MEF2C: variants seen among roughly 807,000 people sequenced by gnomAD.
The protein encoded by MEF2C is myocyte-specific enhancer factor 2C.
In MEF2C, 6 loss-of-function variants were observed where a neutral mutation model predicts 50.5. The observed-to-expected ratio is 0.12, with a 90% CI of 0.07 to 0.23. The LOEUF is 0.23. Ranked by LOEUF, MEF2C falls within the 10% of genes least tolerant of loss-of-function variation. MEF2C has a pLI of 1.00. For missense variants in MEF2C, 276 were observed against 605.0 expected, an observed-to-expected ratio of 0.46 and a Z score of 5.70; for synonymous variants, 183 against 228.0, an observed-to-expected ratio of 0.80 and a Z score of 1.78.
intron 10 of MEF2C, among the ~76,000 whole-genome samples, chr5:88,725,619 G>A (rs1758348597): frequency 6.6e-6 from 1 of 152,034 alleles, no homozygotes; most frequent in Admixed American, 6.6e-5. Flanking sequence ...CCCATATCAA[G>A]TCCTCTATGC....
intron 4 of MEF2C, among the ~76,000 whole-genome samples, chr5:88,754,600 G>T (rs575865518): frequency 6.6e-6 from 1 of 152,218 alleles, no homozygotes; most frequent in East Asian, 1.9e-4. Context: ...CTATCTTTGG[G>T]TATCAAAATG....
chr5:88,798,795 T>C (rs533860120), intron 3 of MEF2C, among the ~76,000 whole-genome samples: 3 of 152,334 alleles, frequency 2.0e-5, no homozygotes, highest in African/African-American at 7.2e-5. Flanking sequence ...CCTTTGGTCT[T>C]TGATGCTGGT....
intron 6 of MEF2C, chr5:88,737,567 C>G: frequency 5.1e-6 from 5 of 985,374 alleles, no homozygotes; most frequent in Non-Finnish European, 6.0e-6. Flanking sequence ...TCATACAGAA[C>G]TTTTCACCAA....
At chr5:88,808,581 T>G (rs1392357908) in intron 2 of MEF2C, among the ~76,000 whole-genome samples, 1 of 152,172 alleles carries the variant, frequency 6.6e-6, no homozygotes, top group South Asian at 2.1e-4. Context: ...AACTGCAAAC[T>G]GAAATGATGA....
chr5:88,768,346 G>A lies in MEF2C; in HGVS notation c.259-7018C>T, dbSNP rs180921264. On this transcript the variant is annotated intron_variant, in intron 3 of 10. Coordinates refer to ENST00000504921, the MANE Select transcript of MEF2C (RefSeq NM_002397.5). Reference sequence around the variant, plus strand: ...TTTCCACTTCAATGTTAATGTATGTGGAGGTTTCTTGACTTGACCAAGGCT... The same window carrying A: ...TTTCCACTTCAATGTTAATGTATGTAGAGGTTTCTTGACTTGACCAAGGCT... Among the ~76,000 whole-genome samples the A allele has an allele frequency of 1.7e-4, 26 of 152,300 alleles. No homozygotes were observed. In the East Asian group the frequency reaches 4.4e-3, roughly 26 times the overall value.
intron 3 of MEF2C, chr5:88,769,968 C>T: frequency 2.0e-6 from 2 of 985,126 alleles, no homozygotes; most frequent in Middle Eastern, 5.2e-4. Context: ...CTTTATAATG[C>T]AAGTTAAGAA....
chr5:88,733,129 C>T (rs1204100506), intron 6 of MEF2C: 7 of 984,964 alleles, frequency 7.1e-6, no homozygotes, highest in South Asian at 4.7e-5. Context: ...ATTGAGTTCC[C>T]GGGAGAGAAG....
At chr5:88,842,420 GTGAC>G (rs1316442571) in intron 1 of MEF2C, among the ~76,000 whole-genome samples, 2 of 151,936 alleles carry the variant, frequency 1.3e-5, no homozygotes, top group African/African-American at 4.8e-5. Flanking sequence ...TGTGGAATCT[GTGAC>G]TGTAATATTT....
chr5:88,809,207 T>A (rs1467765478), intron 2 of MEF2C, among the ~76,000 whole-genome samples: 1 of 152,144 alleles, frequency 6.6e-6, no homozygotes, highest in Non-Finnish European at 1.5e-5. Context: ...CTTATGTTGA[T>A]AATGGCTCTA....
intron 6 of MEF2C, chr5:88,735,350 C>T: frequency 1.0e-6 from 1 of 985,284 alleles, no homozygotes; most frequent in Non-Finnish European, 1.2e-6. Flanking sequence ...AACCTTTTTT[C>T]ATGCTATGTT....
At chr5:88,849,137 T>C (rs1000330187) in intron 1 of MEF2C, among the ~76,000 whole-genome samples, 5 of 127,004 alleles carry the variant, frequency 3.9e-5, no homozygotes, top group African/African-American at 6.2e-5. Context: ...GGCAACAGAG[T>C]GAGACTTTGT....
chr5:88,749,757 G>A (rs539996646), intron 5 of MEF2C, among the ~76,000 whole-genome samples: 11 of 152,332 alleles, frequency 7.2e-5, no homozygotes, highest in African/African-American at 1.9e-4. Context: ...TGGGCCTGGC[G>A]CGGTGGCTCA....
chr5:88,811,278 T>A (rs1398655088), intron 2 of MEF2C, among the ~76,000 whole-genome samples: 1 of 152,100 alleles, frequency 6.6e-6, no homozygotes, highest in Non-Finnish European at 1.5e-5. Context: ...TTTTCTAAGG[T>A]CTGAAGCATA....
intron 1 of MEF2C, among the ~76,000 whole-genome samples, chr5:88,868,627 C>T (rs1018437411): frequency 3.9e-5 from 6 of 152,162 alleles, no homozygotes; most frequent in African/African-American, 1.4e-4. Context: ...CCCACCTCTA[C>T]CACCGGTACT....
Position 88,855,949 on chromosome 5 carries a change from G to A in MEF2C, c.-143+27006C>T, listed in dbSNP as rs545156468. Among the ~76,000 whole-genome samples the A allele has an allele frequency of 2.0e-5, 3 of 152,152 alleles. No individual in the cohort carries two copies. In the South Asian group the frequency reaches 6.2e-4, roughly 32 times the overall value. ...AAAATGTGAAAGCAACTTTGGAACTGGGTAACAGGCAGAGGTTGGAACAGT... is the reference window on the plus strand; with the variant it reads ...AAAATGTGAAAGCAACTTTGGAACTAGGTAACAGGCAGAGGTTGGAACAGT... On this transcript the variant is annotated intron_variant, in intron 1 of 10. Coordinates refer to ENST00000504921, the MANE Select transcript of MEF2C (RefSeq NM_002397.5).
At chr5:88,818,193 T>C (rs1806455886) in intron 2 of MEF2C, among the ~76,000 whole-genome samples, 1 of 151,996 alleles carries the variant, frequency 6.6e-6, no homozygotes, top group South Asian at 2.1e-4. Flanking sequence ...AAAACATCAC[T>C]GTGCACCCTA....
At chr5:88,795,002 A>G (rs1052448226) in intron 3 of MEF2C, among the ~76,000 whole-genome samples, 2 of 152,164 alleles carry the variant, frequency 1.3e-5, no homozygotes, top group African/African-American at 4.8e-5. Flanking sequence ...ATTGGTCTGT[A>G]TAACTGTTTT....
intron 3 of MEF2C, chr5:88,780,611 A>T (rs1198101498): frequency 3.7e-6 from 1 of 272,376 alleles, no homozygotes; most frequent in African/African-American, 2.3e-5. Context: ...TGCCATGAAA[A>T]TACTGCGGGA....
chr5:88,731,667 A>T (rs985425244), intron 7 of MEF2C, 62 bp downstream of exon 7: 2 of 1,467,738 alleles, frequency 1.4e-6, no homozygotes, highest in African/African-American at 2.8e-5. Context: ...AGACAAATAT[A>T]AAAACAGCAA....
Sources: gnomAD v4.1 joint callset for allele counts (sites outside exome capture counted in the v4.1 genomes callset) on GRCh38, gnomAD v4.1.1 for gene constraint, MANE v1.5 for transcripts, NCBI Gene and HGNC (gene_info 2026-07-23, HGNC 2026-07-21) for gene names.